The following HERC2 variants were observed in gnomAD, a reference collection of about 807,000 sequenced individuals.
HERC2 encodes the protein E3 ubiquitin-protein ligase HERC2.
A neutral mutation model predicts 537.7 loss-of-function variants in HERC2; 102 were observed. The observed-to-expected ratio is 0.19, with a 90% CI of 0.16 to 0.22. The LOEUF is 0.22. HERC2 is among the 10% of genes least tolerant of loss of function. The pLI, the probability that HERC2 is intolerant of heterozygous loss-of-function variation, is 1.00. For missense variants in HERC2, 4,236 were observed against 6,198.2 expected, an observed-to-expected ratio of 0.68 and a Z score of 10.63; for synonymous variants, 2,224 against 2,466.2, an observed-to-expected ratio of 0.90 and a Z score of 2.91.
intron 19 of HERC2, among the ~76,000 whole-genome samples, 183 bp downstream of exon 19, chr15:28,255,689 A>C (rs1217931185): frequency 2.0e-5 from 3 of 152,250 alleles, no homozygotes; most frequent in Non-Finnish European, 4.4e-5. Context: ...GCAGTATTTT[A>C]TCACAATTAA....
At chr15:28,232,369 C>T (rs1901963815) in intron 30 of HERC2, among the ~76,000 whole-genome samples, 1 of 152,026 alleles carries the variant, frequency 6.6e-6, no homozygotes, top group African/African-American at 2.4e-5. Context: ...GGTGAAACTC[C>T]GTCTCTACTA....
chr15:28,288,771 CCACG>C lies in HERC2; in HGVS notation c.322+4113_322+4116del, dbSNP rs1304011991. ...GCTGAGGCAGGAGACTCGCTTGAAC[CCACG>C]TGGGGGAGGTTGCAGTGAGCTGAGA... On this transcript the variant is annotated intron_variant, in intron 4 of 92. Transcript: ENST00000261609. Among the ~76,000 whole-genome samples the C allele has an allele frequency of 2.6e-3, 399 of 151,406 alleles. 1 individual carries two copies. The highest frequency in any genetic ancestry group is 8.4e-3 in the East Asian group (43 of 5,126).
intron 35 of HERC2, among the ~76,000 whole-genome samples, chr15:28,224,090 A>C (rs1254579061): frequency 3.3e-5 from 5 of 151,832 alleles, no homozygotes; most frequent in Non-Finnish European, 2.9e-5. Context: ...ACATATTAAA[A>C]TATATATTTA....
intron 85 of HERC2, among the ~76,000 whole-genome samples, chr15:28,121,937 G>A (rs891178894): frequency 1.5e-5 from 2 of 136,270 alleles, no homozygotes; most frequent in Admixed American, 7.3e-5. Context: ...GGAGCACCGC[G>A]GAGCCAGCCG....
Position 28,215,774 on chromosome 15 carries a change from C to G in HERC2, c.6057G>C (p.Glu2019Asp), listed in dbSNP as rs749493295. 4 of 1,611,706 alleles carry G rather than the reference C, an allele frequency of 2.5e-6. No homozygotes were observed. The highest frequency in any genetic ancestry group is 3.4e-6 in the Non-Finnish European group (4 of 1,179,646). ...TSSPNRLVYR[E>D]QHRSWCTLGF... ...CCAGCGTGCACCAGCTCCGGTGTTG[C>G]TCCCTGTACACCAGCCTGTTTGGAG... The change falls in exon 39 of 93, where the codon GAG becomes GAC. Residue 2019 changes from glutamate to aspartate, a missense_variant. Transcript: ENST00000261609.
intron 2 of HERC2, among the ~76,000 whole-genome samples, chr15:28,318,499 A>G (rs910715942): frequency 2.6e-5 from 4 of 152,188 alleles, no homozygotes; most frequent in African/African-American, 9.6e-5. Flanking sequence ...GTGGTGGTGG[A>G]CACCCGTAGT....
At chr15:28,209,940 C>CTTTTTTTTTTTTTT (rs1164101918) in intron 44 of HERC2, among the ~76,000 whole-genome samples, 1 of 77,344 alleles carries the variant, frequency 1.3e-5, no homozygotes, top group African/African-American at 5.3e-5. Flanking sequence ...AATACATTAT[C>CTTTTTTTTTTTTTT]TTTTTTTTTT....
Position 28,121,363 on chromosome 15 carries a change from C to T in HERC2, c.13255G>A (p.Glu4419Lys). 1.2e-6 allele frequency: 2 copies of T among 1,614,142 alleles called. No homozygotes were observed. The highest frequency in any genetic ancestry group is 1.7e-6 in the Non-Finnish European group (2 of 1,180,016). The change falls in exon 86 of 93, where the codon GAG becomes AAG. Residue 4419 changes from glutamate to lysine, a missense_variant. Physicochemically the swap from Glu to Lys is moderately conservative, Grantham distance 56. This residue lies in a region of HERC2 where 189 missense variants were observed against 255.7 expected (regional missense o/e 0.74). Transcript: ENST00000261609. ...VRDRQHGPVVELNRIQVKRSR... is the reference protein window; with the variant it reads ...VRDRQHGPVVKLNRIQVKRSR... ...TGTGCTACCTGGATGCGGTTCAGCTCCACGACGGGGCCATGCTGACGATCG... is the reference window on the plus strand; with the variant it reads ...TGTGCTACCTGGATGCGGTTCAGCTTCACGACGGGGCCATGCTGACGATCG...
chr15:28,299,947 C>T (rs901399326), intron 2 of HERC2, among the ~76,000 whole-genome samples: 2 of 150,560 alleles, frequency 1.3e-5, no homozygotes, highest in Non-Finnish European at 3.0e-5. Flanking sequence ...CAGCTACTCA[C>T]GAAGCTGAGG....
At chr15:28,267,384 A>G (rs932826766) in intron 12 of HERC2, among the ~76,000 whole-genome samples, 2 of 152,222 alleles carry the variant, frequency 1.3e-5, no homozygotes, top group Non-Finnish European at 2.9e-5. Flanking sequence ...TCCACTGAGA[A>G]TTGTTTTACT....
At chr15:28,171,368 T>C (rs1219027142) in intron 65 of HERC2, among the ~76,000 whole-genome samples, 6 of 152,116 alleles carry the variant, frequency 3.9e-5, no homozygotes, top group Non-Finnish European at 5.9e-5. Context: ...TAATGTGACA[T>C]GAAAAGAGCT....
At chr15:28,246,383 C>T (rs1446692153) in intron 22 of HERC2, among the ~76,000 whole-genome samples, 1 of 151,942 alleles carries the variant, frequency 6.6e-6, no homozygotes, top group Non-Finnish European at 1.5e-5. Context: ...AATGCTCTAA[C>T]CTCAAAAAGT....
intron 57 of HERC2, among the ~76,000 whole-genome samples, chr15:28,181,762 T>C (rs1460911433): frequency 2.0e-5 from 3 of 152,214 alleles, no homozygotes; most frequent in Non-Finnish European, 4.4e-5. Context: ...CAACTCAAAA[T>C]ACAAATTAAC....
At chr15:28,235,434 A>T (rs1902325684) in intron 26 of HERC2, among the ~76,000 whole-genome samples, 1 of 152,114 alleles carries the variant, frequency 6.6e-6, no homozygotes, top group Non-Finnish European at 1.5e-5. Flanking sequence ...GGAGGGAAGG[A>T]AGCAGATACC....
chr15:28,253,574 A>AT (rs1168693576), intron 20 of HERC2, among the ~76,000 whole-genome samples: 2 of 152,202 alleles, frequency 1.3e-5, no homozygotes, highest in East Asian at 3.8e-4. Context: ...ATACTAGGTA[A>AT]TTTTCAGAAT....
rs778915498 is a variant in HERC2, at chr15:28,229,724, T to C, written c.4933A>G (p.Lys1645Glu). 4.3e-6 allele frequency: 7 copies of C among 1,611,510 alleles called. No individual in the cohort carries two copies. In the African/African-American group the frequency reaches 6.7e-5, roughly 15 times the overall value. ...TTTTCCACATCCACTGGCTCTTCTT[T>C]AAGGGCAAATTCAGCAATTGTACTG... is the stretch of plus-strand genomic sequence containing the variant. ...LLSTIAEFAL[K>E]EEPVDVEKMR... The change falls in exon 32 of 93, where the codon AAA (lysine) becomes GAA (glutamate). Residue 1645 changes from lysine (K) to glutamate (E), a missense_variant. Transcript: ENST00000261609.
chr15:28,182,090 T>G (rs1216293348), intron 57 of HERC2, among the ~76,000 whole-genome samples: 7 of 152,190 alleles, frequency 4.6e-5, no homozygotes, highest in African/African-American at 1.7e-4. Context: ...CATTATTTTG[T>G]TCATGATAGT....
intron 83 of HERC2, among the ~76,000 whole-genome samples, chr15:28,129,498 G>T (rs1374517804): frequency 6.6e-6 from 1 of 152,210 alleles, no homozygotes; most frequent in East Asian, 1.9e-4. Context: ...AGAACATGTC[G>T]CTTGTACAGA....
rs1901605108 is a variant in HERC2, at chr15:28,229,510, A to G, written c.5070T>C (p.Tyr1690=). The G allele has an allele frequency of 6.2e-7, 1 of 1,613,784 alleles. No individual in the cohort carries two copies. The change falls in exon 33 of 93, where the codon TAT becomes TAC. Residue 1690 remains tyrosine, a synonymous_variant. Transcript: ENST00000261609. ...SKNFLLPSVQ[Y]AMFCGWQRLI... ...GTCTTTGCCATCCACAAAACATCGC[A>G]TACTGCACAGATGGAAGTAAGAAAT...
Sources: allele counts gnomAD v4.1 joint callset (sites outside exome capture counted in the v4.1 genomes callset), GRCh38; gene constraint gnomAD v4.1.1; regional missense constraint gnomAD v4.1.1; transcripts MANE v1.5; gene names NCBI Gene and HGNC (gene_info 2026-07-23, HGNC 2026-07-21).